Variants in METTL8 observed in about 807,000 individuals in gnomAD.
METTL8 encodes tRNA N(3)-cytidine methyltransferase METTL8, mitochondrial.
A neutral mutation model predicts 48.7 loss-of-function variants in METTL8; 32 were observed. That is an observed-to-expected ratio of 0.66 (90% CI 0.50 to 0.88). The LOEUF (loss-of-function observed/expected upper bound fraction) is 0.88, where lower values mean the gene tolerates loss of function less well. Among genes scored for constraint, METTL8 ranks in the 40% least tolerant of loss-of-function variants. The probability of loss-of-function intolerance (pLI) is 0.00; values close to 1 mark genes in which losing one functional copy is unlikely to be tolerated. For missense variants in METTL8, 464 were observed against 474.4 expected (o/e 0.98, Z 0.20); for synonymous variants, 136 against 157.1 (o/e 0.87, Z 1.01).
At chr2:171,400,116 T>C (rs1457261927) in intron 1 of METTL8, among the ~76,000 whole-genome samples, 2 of 152,130 alleles carry the variant, frequency 1.3e-5, no homozygotes, top group Non-Finnish European at 2.9e-5. Context: ...TATTATCTTA[T>C]TTAGCTTCCA....
intron 2 of METTL8, among the ~76,000 whole-genome samples, chr2:171,383,029 G>A (rs1470045597): frequency 1.3e-5 from 2 of 152,040 alleles, no homozygotes; most frequent in South Asian, 2.1e-4. Flanking sequence ...AGCTGAGATC[G>A]AGCCACTGCA....
chr2:171,335,275 A>T (rs1372434571), intron 5 of METTL8, among the ~76,000 whole-genome samples: 1 of 152,174 alleles, frequency 6.6e-6, no homozygotes, highest in Non-Finnish European at 1.5e-5. Context: ...TTATAATAAT[A>T]TTAGAGAGTA....
At chr2:171,402,936 T>C (rs921778756) in intron 1 of METTL8, among the ~76,000 whole-genome samples, 1 of 152,138 alleles carries the variant, frequency 6.6e-6, no homozygotes, top group African/African-American at 2.4e-5. Context: ...TAGAATACTC[T>C]GAGCAACAAA....
intron 7 of METTL8, among the ~76,000 whole-genome samples, chr2:171,329,002 T>C (rs1284856470): frequency 6.6e-6 from 1 of 151,022 alleles, no homozygotes; most frequent in Non-Finnish European, 1.5e-5. Context: ...TATTTTTTTT[T>C]TGAGACAAGG....
At chr2:171,334,113 C>A (rs1364007679) in intron 5 of METTL8, among the ~76,000 whole-genome samples, 1 of 148,202 alleles carries the variant, frequency 6.7e-6, no homozygotes, top group Admixed American at 6.6e-5. Context: ...AAACAAAAAC[C>A]AAAAAACTTC....
chr2:171,423,439 G>A (rs1692078536), intron 1 of METTL8, among the ~76,000 whole-genome samples: 1 of 152,158 alleles, frequency 6.6e-6, no homozygotes, highest in African/African-American at 2.4e-5. Context: ...CTAGAGACTT[G>A]GAGGGCTCAG....
In METTL8 at chr2:171,323,700, C is replaced by A. The variant is rs1684658391; in HGVS notation, c.*472G>T. ...GACAACAACAAGACAAAAAATAATA[C>A]ACTTTGACCTTGGGCTTGTTGTAGC... On this transcript the variant is annotated 3_prime_UTR_variant, in exon 10 of 10. Coordinates refer to ENST00000375258, the MANE Select transcript of METTL8 (RefSeq NM_001321154.2). 6.6e-6 allele frequency: 1 copy of A among 152,310 alleles called. No homozygotes were observed. The highest frequency in any genetic ancestry group is 2.1e-4 in the South Asian group (1 of 4,818). The allele number at this position is 152,310 out of a possible 1,614,324, so 9.4% of individuals were successfully genotyped here.
intron 2 of METTL8, 106 bp downstream of exon 2, chr2:171,391,937 G>C (rs1298040205): frequency 8.7e-7 from 1 of 1,146,264 alleles, no homozygotes; most frequent in Non-Finnish European, 1.2e-6. Flanking sequence ...TACAACATGA[G>C]TTAGGTCATC....
At chr2:171,383,897 C>G (rs1241451529) in intron 2 of METTL8, among the ~76,000 whole-genome samples, 2 of 152,130 alleles carry the variant, frequency 1.3e-5, no homozygotes, top group African/African-American at 4.8e-5. Flanking sequence ...AACTTAAACA[C>G]AGAATTACCA....
chr2:171,404,610 T>A (rs1362703477), intron 1 of METTL8, among the ~76,000 whole-genome samples: 1 of 152,122 alleles, frequency 6.6e-6, no homozygotes, highest in Non-Finnish European at 1.5e-5. Context: ...TGGTTGACAG[T>A]GGGTAAATGA....
chr2:171,343,880 T>C (rs1687023134), intron 3 of METTL8, among the ~76,000 whole-genome samples: 2 of 152,232 alleles, frequency 1.3e-5, no homozygotes, highest in South Asian at 4.1e-4. Flanking sequence ...GAGTCTGTAC[T>C]ACTGTTTTAA....
chr2:171,333,008 C>T (rs1685699332), intron 5 of METTL8, among the ~76,000 whole-genome samples: 1 of 132,606 alleles, frequency 7.5e-6, no homozygotes. Context: ...GCAAGGTGAA[C>T]CTCTAAATAA....
upstream of METTL8, chr2:171,434,406 C>T (rs1693617603): frequency 1.7e-6 from 2 of 1,169,020 alleles, no homozygotes; most frequent in South Asian, 1.3e-5. Flanking sequence ...GCTCTGCTTT[C>T]CCTCGCCCCG....
intron 1 of METTL8, among the ~76,000 whole-genome samples, chr2:171,418,087 G>A (rs1416499959): frequency 1.3e-5 from 2 of 152,062 alleles, no homozygotes; most frequent in African/African-American, 4.8e-5. Context: ...GGGACTACAG[G>A]TGCCCGCCAC....
At chr2:171,324,620 A>C (rs1684742085) in intron 9 of METTL8, among the ~76,000 whole-genome samples, 1 of 152,252 alleles carries the variant, frequency 6.6e-6, no homozygotes, top group African/African-American at 2.4e-5. Flanking sequence ...TATTGGTTGC[A>C]GCTTTCAATA....
Position 171,334,071 on chromosome 2 carries a change from T to TAAAACAAAAC in METTL8, c.657-2214_657-2205dup, listed in dbSNP as rs148818231. Among the ~76,000 whole-genome samples the TAAAACAAAAC allele has an allele frequency of 9.9e-3, 1,497 of 150,824 alleles. 26 individuals carry two copies. Among genetic ancestry groups the TAAAACAAAAC allele is most frequent in the African/African-American group, 0.035 (1,422 of 40,890 alleles). ...GAGCTTAAAAACTAACATAGTCCTC[T>TAAAACAAAAC]AAAACAAAACAAAACAAAACAAAAC... On this transcript the variant is annotated intron_variant, in intron 5 of 9. Coordinates refer to ENST00000375258, the MANE Select transcript of METTL8 (RefSeq NM_001321154.2).
Position 171,324,239 on chromosome 2 carries a change from A to C in METTL8, c.1157T>G (p.Phe386Cys). The C allele has an allele frequency of 3.2e-6, 5 of 1,551,206 alleles. No homozygotes were observed. The highest frequency in any genetic ancestry group is 3.5e-6 in the Non-Finnish European group (4 of 1,146,926). ...CTGAGTCTGGTGCAATGGTTTCTGG[A>C]ATTTGCCTTGAATCCACACTCGGTG... ...KMHRVWIQGK[F>C]QKPLHQTQNS... The change falls in exon 10 of 10, where the codon TTC (phenylalanine) becomes TGC (cysteine). Residue 386 changes from phenylalanine (F) to cysteine (C), a missense_variant. Phe to Cys is a radical substitution (Grantham distance 205). Coordinates refer to ENST00000375258, the MANE Select transcript of METTL8 (RefSeq NM_001321154.2).
intron 2 of METTL8, among the ~76,000 whole-genome samples, chr2:171,373,152 C>T (rs1030013018): frequency 1.3e-5 from 2 of 152,130 alleles, no homozygotes; most frequent in African/African-American, 2.4e-5. Flanking sequence ...CCTGCTGTTT[C>T]CTGACTTTTT....
intron 1 of METTL8, among the ~76,000 whole-genome samples, chr2:171,421,153 C>T (rs1283912921): frequency 6.6e-6 from 1 of 152,106 alleles, no homozygotes; most frequent in African/African-American, 2.4e-5. Context: ...TCCCCTAAAC[C>T]CTACAAATGA....
Sources: allele counts gnomAD v4.1 joint callset (sites outside exome capture counted in the v4.1 genomes callset), GRCh38; gene constraint gnomAD v4.1.1; transcripts MANE v1.5; gene names NCBI Gene and HGNC (gene_info 2026-07-23, HGNC 2026-07-21).